Variants in TMEM123 observed in about 807,000 individuals in gnomAD.
TMEM123 encodes the protein porimin.
In TMEM123, 16 loss-of-function variants were observed where a neutral mutation model predicts 19.7. The ratio of observed to expected loss-of-function variants is 0.81; its 90% CI spans 0.55 to 1.23. TMEM123 has a LOEUF of 1.23. Among genes scored for constraint, TMEM123 ranks in the 50% most tolerant of loss-of-function variants. The probability of loss-of-function intolerance (pLI) is 0.00; values close to 1 mark genes in which losing one functional copy is unlikely to be tolerated. For synonymous variants in TMEM123, 118 were observed against 99.4 expected (o/e 1.19, Z -1.12); for missense variants, 313 against 257.8 (o/e 1.21, Z -1.47).
intron 1 of TMEM123, 83 bp from the exon 2 acceptor site, chr11:102,448,951 G>A (rs1857911331): frequency 7.4e-7 from 1 of 1,358,654 alleles, no homozygotes; most frequent in South Asian, 1.2e-5. Flanking sequence ...CCTAGCGGGA[G>A]TAGGGGTAGT....
chr11:102,435,727 G>A (rs916124295), intron 2 of TMEM123, among the ~76,000 whole-genome samples: 7 of 151,992 alleles, frequency 4.6e-5, no homozygotes, highest in East Asian at 1.9e-4. Flanking sequence ...TACCCATAGC[G>A]TGAATTGTGT....
chr11:102,425,058 A>G (rs1350340987), intron 2 of TMEM123, among the ~76,000 whole-genome samples: 2 of 152,254 alleles, frequency 1.3e-5, no homozygotes, highest in African/African-American at 4.8e-5. Flanking sequence ...TCTATTCTCA[A>G]GATGATAGCA....
chr11:102,425,670 A>C (rs1591560634), intron 2 of TMEM123, among the ~76,000 whole-genome samples: 1 of 149,166 alleles, frequency 6.7e-6, no homozygotes, highest in Non-Finnish European at 1.5e-5. Context: ...TGTAGCCTCA[A>C]CCTCCCAGGC....
chr11:102,441,647 A>G (rs189103662), intron 2 of TMEM123, among the ~76,000 whole-genome samples: 11 of 152,240 alleles, frequency 7.2e-5, no homozygotes, highest in Admixed American at 1.3e-4. Flanking sequence ...GAGAAGCAAG[A>G]GCAAACACAT....
rs1857851487 is a variant in TMEM123 at position 102,443,712 on chromosome 11, G to A, written c.157+5100C>T. On this transcript the variant is annotated intron_variant, in intron 2 of 4. Transcript: ENST00000398136. ...TAGACGAATGGGATCTAATTAAACT[G>A]AAGAGCTTTTGCATGGCAAAAGAAA... Among the ~76,000 whole-genome samples the A allele has an allele frequency of 2.0e-5, 3 of 152,204 alleles. No individual in the cohort carries two copies. The South Asian group carries it at 6.2e-4, about 32-fold the overall frequency.
At chr11:102,448,209 C>T (rs1350417916) in intron 2 of TMEM123, 2 of 455,820 alleles carry the variant, frequency 4.4e-6, no homozygotes, top group Non-Finnish European at 4.4e-6. Context: ...GAGAAGATAA[C>T]TTAAAAATTG....
intron 2 of TMEM123, among the ~76,000 whole-genome samples, chr11:102,421,215 C>T (rs541957555): frequency 6.6e-6 from 1 of 152,334 alleles, no homozygotes; most frequent in Admixed American, 6.5e-5. Flanking sequence ...GACATACTAT[C>T]AGTCTGTCTC....
chr11:102,449,016 A>G (rs1298492846), intron 1 of TMEM123, 148 bp from the exon 2 acceptor site: 2 of 716,520 alleles, frequency 2.8e-6, no homozygotes, highest in East Asian at 2.6e-5. Context: ...CCCTGTTGTT[A>G]TGAAACATAT....
At chr11:102,444,477 G>A (rs771277619) in intron 2 of TMEM123, among the ~76,000 whole-genome samples, 1 of 151,614 alleles carries the variant, frequency 6.6e-6, no homozygotes, top group Non-Finnish European at 1.5e-5. Context: ...CTCACTCATA[G>A]GTGGGAACTG....
At chr11:102,445,291 T>C (rs928380140) in intron 2 of TMEM123, among the ~76,000 whole-genome samples, 1 of 152,246 alleles carries the variant, frequency 6.6e-6, no homozygotes, top group Non-Finnish European at 1.5e-5. Context: ...AATTCTTTTC[T>C]ACATCCAATC....
chr11:102,408,618 T>C (rs1311014716), intron 2 of TMEM123, among the ~76,000 whole-genome samples: 2 of 152,174 alleles, frequency 1.3e-5, no homozygotes, highest in African/African-American at 4.8e-5. Context: ...CCCTGAGAAG[T>C]GCTCAATTAA....
intron 2 of TMEM123, among the ~76,000 whole-genome samples, chr11:102,413,042 G>A (rs555510380): frequency 6.6e-6 from 1 of 152,168 alleles, no homozygotes; most frequent in South Asian, 2.1e-4. Flanking sequence ...AAAACTTGTG[G>A]GATGCAACTC....
At chr11:102,417,611 T>C (rs940443707) in intron 2 of TMEM123, among the ~76,000 whole-genome samples, 4 of 152,044 alleles carry the variant, frequency 2.6e-5, no homozygotes, top group Admixed American at 6.6e-5. Flanking sequence ...GTGCTATTGA[T>C]ATCAAACCAC....
intron 2 of TMEM123, among the ~76,000 whole-genome samples, chr11:102,443,910 A>AAAG: frequency 6.6e-6 from 1 of 151,932 alleles, no homozygotes; most frequent in East Asian, 1.9e-4. Flanking sequence ...ACACTTCTCA[A>AAAG]AAGACATTTA....
intron 2 of TMEM123, among the ~76,000 whole-genome samples, chr11:102,442,054 A>G (rs1160021496): frequency 6.6e-6 from 1 of 152,232 alleles, no homozygotes; most frequent in African/African-American, 2.4e-5. Flanking sequence ...TTGAGGCAAT[A>G]ATTAATAGCC....
intron 2 of TMEM123, among the ~76,000 whole-genome samples, chr11:102,445,573 A>G (rs1287371443): frequency 6.6e-6 from 1 of 152,230 alleles, no homozygotes; most frequent in Admixed American, 6.5e-5. Context: ...GACATACAGG[A>G]TTATATACCT....
At chr11:102,444,025 T>A (rs576076627) in intron 2 of TMEM123, among the ~76,000 whole-genome samples, 1 of 152,162 alleles carries the variant, frequency 6.6e-6, no homozygotes, top group Admixed American at 6.5e-5. Flanking sequence ...ACAATGGCAA[T>A]CATTTAAAAA....
In TMEM123 at chr11:102,396,511, A is replaced by G. The variant is rs1444620512; in HGVS notation, c.*2356T>C. 2 of 152,188 alleles carry G rather than the reference A, an allele frequency of 1.3e-5. No individual in the cohort carries two copies. The highest frequency in any genetic ancestry group is 2.9e-5 in the Non-Finnish European group (2 of 68,028). 9.4% of individuals were successfully genotyped at this position (152,188 alleles called of 1,614,324 possible). The stretch of plus-strand genomic sequence containing the variant: ...TGTATTTGAATTATTCCTTTCATGG[A>G]TTATTCAAGGAAATTTTAAAATTGG... On this transcript the variant is annotated 3_prime_UTR_variant, in exon 5 of 5. Transcript: ENST00000398136.
Position 102,452,590 on chromosome 11 carries a change from G to C in TMEM123, c.34C>G (p.Leu12Val). ...AGCACCTGCAGCGTCCCCAGGAGCA[G>C]CGCGGCCCAAGCACCTCGCGCGCCG... The part of the protein sequence containing the change: ...GLGARGAWAA[L>V]LLGTLQVLAL... Residue 12 changes from leucine to valine, a missense_variant, in exon 1 of 5, where the codon CTG (leucine) becomes GTG (valine). Leu to Val is a conservative substitution (Grantham distance 32, BLOSUM62 1). Coordinates refer to ENST00000398136, the MANE Select transcript of TMEM123 (RefSeq NM_052932.3). The C allele has an allele frequency of 1.9e-6, 3 of 1,569,300 alleles. No homozygotes were observed. The highest frequency in any genetic ancestry group is 2.6e-6 in the Non-Finnish European group (3 of 1,161,602).
Sources: gnomAD v4.1 joint callset for allele counts (sites outside exome capture counted in the v4.1 genomes callset) on GRCh38, gnomAD v4.1.1 for gene constraint, MANE v1.5 for transcripts, NCBI Gene and HGNC (gene_info 2026-07-23, HGNC 2026-07-21) for gene names.